Variants in UNC13C observed in about 807,000 individuals in gnomAD.
UNC13C encodes the protein protein unc-13 homolog C.
In UNC13C, 174 loss-of-function variants were observed where a neutral mutation model predicts 245.4. The observed-to-expected ratio is 0.71, with a 90% CI of 0.63 to 0.80. UNC13C has a LOEUF of 0.80. UNC13C is among the 30% of genes least tolerant of loss of function. The pLI is 0.00. For missense variants in UNC13C, 2,829 were observed against 2,602.9 expected (o/e 1.09, Z -1.89); for synonymous variants, 992 against 895.1 (o/e 1.11, Z -1.93).
At chr15:54,155,769 G>T (rs1312286487) in intron 4 of UNC13C, among the ~76,000 whole-genome samples, 1 of 152,164 alleles carries the variant, frequency 6.6e-6, no homozygotes, top group Non-Finnish European at 1.5e-5. Flanking sequence ...GGAGTTCTCA[G>T]TGCAGACTTT....
intron 14 of UNC13C, among the ~76,000 whole-genome samples, chr15:54,322,565 A>T (rs2038191074): frequency 6.6e-6 from 1 of 151,994 alleles, no homozygotes; most frequent in Non-Finnish European, 1.5e-5. Context: ...CATGTGTTTA[A>T]GGAGCCTACA....
chr15:54,041,396 A>G (rs1243395714), intron 2 of UNC13C, among the ~76,000 whole-genome samples: 1 of 152,196 alleles, frequency 6.6e-6, no homozygotes, highest in Admixed American at 6.5e-5. Context: ...CATTTTAAAT[A>G]TTATTTCTTT....
chr15:53,964,633 T>C, the UNC13C span, among the ~76,000 whole-genome samples: 3 of 152,122 alleles, frequency 2.0e-5, no homozygotes, highest in African/African-American at 7.2e-5. Context: ...GGTATTTAAA[T>C]ACACATCTAA....
At position 54,086,737 on chromosome 15, in the gene UNC13C, C is replaced by CTTTTTTTTTTTTTTTTTTT. The variant is rs57209912; in HGVS notation, c.2984-56263_2984-56262insTTTTTTTTTTTTTTTTTTT. Among the ~76,000 whole-genome samples the CTTTTTTTTTTTTTTTTTTT allele has an allele frequency of 5.2e-4, 48 of 92,034 alleles. 8 individuals carry two copies. Among genetic ancestry groups the CTTTTTTTTTTTTTTTTTTT allele is most frequent in the East Asian group, 7.0e-4 (2 of 2,852 alleles). 60.4% of individuals were successfully genotyped at this position (92,034 alleles called of 152,430 possible). A position where few individuals can be genotyped will look rare whatever the true frequency, so the allele number is the denominator to read the frequency against. On this transcript the variant is annotated intron_variant, in intron 2 of 32. Transcript: ENST00000260323. ...GTACTATGTGTTGCTTATTTTCTTTCTTTTTTTTTTTTTTTTTTGAGATGG... is the reference window on the plus strand; with the variant it reads ...GTACTATGTGTTGCTTATTTTCTTTCTTTTTTTTTTTTTTTTTTTTTTTTTTTTTTTTTTTTTGAGATGG...
chr15:54,158,006 A>G (rs1213478399), intron 4 of UNC13C, among the ~76,000 whole-genome samples: 3 of 152,218 alleles, frequency 2.0e-5, no homozygotes, highest in Non-Finnish European at 4.4e-5. Flanking sequence ...CCAGCCCTCT[A>G]CTTGGCATAT....
intron 30 of UNC13C, among the ~76,000 whole-genome samples, chr15:54,575,592 G>T (rs950289666): frequency 1.3e-5 from 2 of 151,746 alleles, no homozygotes; most frequent in Admixed American, 6.6e-5. Context: ...GAGCTTTTTG[G>T]CCAAGGGCCA....
At chr15:53,863,426 CA>C in the UNC13C span, among the ~76,000 whole-genome samples, 1 of 152,114 alleles carries the variant, frequency 6.6e-6, no homozygotes, top group Admixed American at 6.6e-5. Context: ...TGATACAAAT[CA>C]AAAGTCATAA....
intron 19 of UNC13C, 107 bp from the exon 20 acceptor site, chr15:54,494,501 A>G (rs1374841289): frequency 9.1e-7 from 1 of 1,100,140 alleles, no homozygotes; most frequent in Non-Finnish European, 1.2e-6. Context: ...TACATCTAAT[A>G]TACTATTTTC....
intron 19 of UNC13C, among the ~76,000 whole-genome samples, chr15:54,491,960 C>T (rs891151134): frequency 1.3e-5 from 2 of 151,714 alleles, no homozygotes; most frequent in Non-Finnish European, 2.9e-5. Context: ...CCACTGCACT[C>T]CAGCCTGGGC....
At chr15:54,292,938 ATATC>A (rs575730070) in intron 10 of UNC13C, among the ~76,000 whole-genome samples, 32 of 148,650 alleles carry the variant, frequency 2.2e-4, no homozygotes, top group African/African-American at 4.2e-4. Flanking sequence ...ATAGATATCT[ATATC>A]TATCTATATA....
At chr15:54,276,048 T>C (rs1004461540) in intron 10 of UNC13C, among the ~76,000 whole-genome samples, 1 of 152,060 alleles carries the variant, frequency 6.6e-6, no homozygotes, top group Non-Finnish European at 1.5e-5. Flanking sequence ...TAATTTCATC[T>C]ATATAAAATT....
intron 2 of UNC13C, among the ~76,000 whole-genome samples, chr15:54,072,044 C>G (rs555677756): frequency 6.6e-6 from 1 of 152,266 alleles, no homozygotes; most frequent in Admixed American, 6.5e-5. Context: ...GGACATCCCT[C>G]CTTCTCTGTT....
chr15:54,306,706 A>G (rs760161098), intron 13 of UNC13C, among the ~76,000 whole-genome samples: 1 of 152,016 alleles, frequency 6.6e-6, no homozygotes, highest in East Asian at 1.9e-4. Context: ...TGTCTCACAA[A>G]GTCTGAGATT....
chr15:54,203,588 G>A (rs1039698006), intron 4 of UNC13C, among the ~76,000 whole-genome samples: 11 of 143,824 alleles, frequency 7.6e-5, no homozygotes, highest in South Asian at 2.2e-4. Context: ...GTGTGTATTC[G>A]ATATATTTTA....
At chr15:53,960,555 CTTA>C in the UNC13C span, among the ~76,000 whole-genome samples, 556 of 152,064 alleles carry the variant, frequency 3.7e-3, 4 homozygotes, top group African/African-American at 0.013. Flanking sequence ...AAAAATAAAA[CTTA>C]TTATTTGGAA....
chr15:54,020,675 A>G (rs1895862527), intron 2 of UNC13C, among the ~76,000 whole-genome samples: 1 of 152,160 alleles, frequency 6.6e-6, no homozygotes, highest in South Asian at 2.1e-4. Flanking sequence ...AGTAATATCT[A>G]CATATGAAAA....
intron 10 of UNC13C, 26 bp from the exon 11 acceptor site, chr15:54,293,869 G>T (rs1349662827): frequency 6.7e-7 from 1 of 1,499,492 alleles, no homozygotes; most frequent in Non-Finnish European, 8.9e-7. Flanking sequence ...TTCAATTGTT[G>T]TTAACTTATC....
chr15:54,445,228 G>T (rs1415496156), intron 19 of UNC13C, among the ~76,000 whole-genome samples: 3 of 151,932 alleles, frequency 2.0e-5, no homozygotes, highest in African/African-American at 7.3e-5. Flanking sequence ...TCAGACATTT[G>T]GGTTGGATCC....
chr15:53,958,061 A>G, the UNC13C span, among the ~76,000 whole-genome samples: 3 of 152,186 alleles, frequency 2.0e-5, no homozygotes, highest in Non-Finnish European at 2.9e-5. Context: ...AGAGGTAATC[A>G]AACAGTAACT....
Sources: allele counts gnomAD v4.1 joint callset (sites outside exome capture counted in the v4.1 genomes callset), GRCh38; gene constraint gnomAD v4.1.1; transcripts MANE v1.5; gene names NCBI Gene and HGNC (gene_info 2026-07-23, HGNC 2026-07-21).